ADGRL3: variants seen among roughly 807,000 people sequenced by gnomAD.
ADGRL3 encodes the protein calcium-independent alpha-latrotoxin receptor 3.
In ADGRL3, 62 loss-of-function variants were observed where a neutral mutation model predicts 153.5. The observed-to-expected ratio is 0.40, with a 90% confidence interval of 0.33 to 0.50. The LOEUF (loss-of-function observed/expected upper bound fraction) is 0.50, where lower values mean the gene tolerates loss of function less well. ADGRL3 is among the 20% of genes least tolerant of loss of function. The probability of loss-of-function intolerance (pLI) is 0.47; values close to 1 mark genes in which losing one functional copy is unlikely to be tolerated. For synonymous variants in ADGRL3, 710 were observed against 672.5 expected, an observed-to-expected ratio of 1.06 and a Z score of -0.86; for missense variants, 1,641 against 1,859.4, an observed-to-expected ratio of 0.88 and a Z score of 2.16.
At position 61,570,187 on chromosome 4, in the gene ADGRL3, T is replaced by TA. The variant is rs541525042; in HGVS notation, c.260-17034dup. Among the ~76,000 whole-genome samples, 54 of 152,230 alleles carry TA rather than the reference T, an allele frequency of 3.5e-4. 1 individual carries two copies. In the East Asian group the frequency reaches 9.3e-3, roughly 26 times the overall value. On this transcript the variant is annotated intron_variant, in intron 4 of 26. Coordinates refer to ENST00000683033, the MANE Select transcript of ADGRL3 (RefSeq NM_001387552.1). ...AGTTAGTAAGCTTTTTGTATTGCCTTAAAAAATAAGTGAACTTATCTTTGC... is the reference window on the plus strand; with the variant it reads ...AGTTAGTAAGCTTTTTGTATTGCCTTAAAAAAATAAGTGAACTTATCTTTGC...
At chr4:61,711,128 C>T (rs1025419186) in intron 6 of ADGRL3, among the ~76,000 whole-genome samples, 1 of 152,044 alleles carries the variant, frequency 6.6e-6, no homozygotes, top group African/African-American at 2.4e-5. Context: ...CCCAAGATAT[C>T]AAGATCTAAT....
chr4:61,665,732 C>T (rs1204110606), intron 5 of ADGRL3, among the ~76,000 whole-genome samples: 1 of 152,128 alleles, frequency 6.6e-6, no homozygotes, highest in African/African-American at 2.4e-5. Flanking sequence ...GAAATGCCAT[C>T]ACATTTCTAT....
Position 62,060,305 on chromosome 4 carries a change from C to T in ADGRL3, c.3815-7861C>T, listed in dbSNP as rs1258550011. ...AGGAAGAAGAGTGGCGTGCAATCTC[C>T]TTACCTTATTATTTGTTTTCCAATT... is the stretch of plus-strand genomic sequence containing the variant. On this transcript the variant is annotated intron_variant, in intron 25 of 26. Transcript: ENST00000683033. Among the ~76,000 whole-genome samples, 3 of 151,876 alleles carry T rather than the reference C, an allele frequency of 2.0e-5. No individual in the cohort carries two copies. In the East Asian group the frequency reaches 5.8e-4, roughly 29 times the overall value.
At chr4:62,062,663 C>A (rs935940445) in intron 25 of ADGRL3, among the ~76,000 whole-genome samples, 1 of 151,974 alleles carries the variant, frequency 6.6e-6, no homozygotes, top group Non-Finnish European at 1.5e-5. Context: ...GCAACTCATG[C>A]TGATGGTGTT....
chr4:61,736,346 A>G (rs2096512534), intron 8 of ADGRL3, among the ~76,000 whole-genome samples: 1 of 152,250 alleles, frequency 6.6e-6, no homozygotes, highest in South Asian at 2.1e-4. Context: ...ACTAGTGCCG[A>G]TATTTGTTAA....
rs1415401690 is a variant in ADGRL3 at position 62,073,012 on chromosome 4, A to G, written c.*2104A>G. 1.3e-5 allele frequency: 2 copies of G among 152,180 alleles called. No homozygotes were observed. The highest frequency in any genetic ancestry group is 2.9e-5 in the Non-Finnish European group (2 of 68,004). The allele number at this position is 152,180 out of a possible 1,614,324, so 9.4% of individuals were successfully genotyped here. ...AACTTTCTAGATCTCTCATTACTGC[A>G]GATCCTTTATAGCAGTGTCCAAGTA... On this transcript the variant is annotated 3_prime_UTR_variant, in exon 27 of 27. Transcript: ENST00000683033.
At chr4:61,872,715 A>G (rs1039330338) in intron 9 of ADGRL3, among the ~76,000 whole-genome samples, 5 of 152,014 alleles carry the variant, frequency 3.3e-5, no homozygotes, top group African/African-American at 1.2e-4. Flanking sequence ...ATCCAGAAAA[A>G]AATATATATG....
intron 1 of ADGRL3, among the ~76,000 whole-genome samples, chr4:61,302,325 G>A (rs932098671): frequency 1.3e-5 from 2 of 152,108 alleles, no homozygotes; most frequent in Non-Finnish European, 2.9e-5. Flanking sequence ...TGGAGAGTGA[G>A]AATTCACAGA....
intron 8 of ADGRL3, among the ~76,000 whole-genome samples, chr4:61,748,528 C>T (rs1168450754): frequency 6.6e-6 from 1 of 152,056 alleles, no homozygotes; most frequent in African/African-American, 2.4e-5. Context: ...ATCAATGGAA[C>T]AGATCAGAGC....
intron 8 of ADGRL3, among the ~76,000 whole-genome samples, chr4:61,802,251 A>G (rs1356488527): frequency 6.6e-6 from 1 of 152,132 alleles, no homozygotes; most frequent in Non-Finnish European, 1.5e-5. Context: ...CACACACAAT[A>G]TCAGTGAAGT....
intron 1 of ADGRL3, among the ~76,000 whole-genome samples, chr4:61,204,102 A>T (rs184354298): frequency 2.6e-5 from 4 of 152,312 alleles, no homozygotes; most frequent in Admixed American, 2.0e-4. Context: ...ATTTTGTTTT[A>T]AAAAGTATAG....
rs150411081 is a variant in ADGRL3 at position 61,232,034 on chromosome 4, C to T, written c.-240+30269C>T. Among the ~76,000 whole-genome samples, 11 of 151,962 alleles carry T rather than the reference C, an allele frequency of 7.2e-5. 1 individual carries two copies. Among genetic ancestry groups the T allele is most frequent in the African/African-American group, 2.7e-4 (11 of 41,454 alleles). On this transcript the variant is annotated intron_variant, in intron 1 of 26. Coordinates refer to ENST00000683033, the MANE Select transcript of ADGRL3 (RefSeq NM_001387552.1). ...AAACAGGTTTGACCTTGTGCAAGTA[C>T]TTAACCTCCTCAAGCCCCAGTCTCC...
intron 1 of ADGRL3, among the ~76,000 whole-genome samples, chr4:61,361,926 C>T (rs2096287868): frequency 6.7e-6 from 1 of 148,548 alleles, no homozygotes; most frequent in African/African-American, 2.5e-5. Flanking sequence ...AAATTATGAA[C>T]TGTAGTATAA....
intron 3 of ADGRL3, among the ~76,000 whole-genome samples, chr4:61,516,845 A>G (rs1030440982): frequency 2.0e-5 from 3 of 152,104 alleles, no homozygotes; most frequent in African/African-American, 7.2e-5. Context: ...CAAACAAAAG[A>G]CACCTTTCTG....
At chr4:61,254,197 G>A (rs2091744320) in intron 1 of ADGRL3, among the ~76,000 whole-genome samples, 1 of 152,128 alleles carries the variant, frequency 6.6e-6, no homozygotes. Flanking sequence ...AGGTGAAAAA[G>A]CATTCACCGT....
rs1340841813 is a variant in ADGRL3, at chr4:61,461,565, A to AT, written c.-173-35556_-173-35555insT. Among the ~76,000 whole-genome samples the AT allele has an allele frequency of 2.6e-5, 4 of 152,198 alleles. No homozygotes were observed. In the East Asian group the frequency reaches 5.8e-4, roughly 22 times the overall value. On this transcript the variant is annotated intron_variant, in intron 2 of 26. Coordinates refer to ENST00000683033, the MANE Select transcript of ADGRL3 (RefSeq NM_001387552.1). Reference sequence around the variant, plus strand: ...TAAACAAATATTCTTATACGCCAAAAATATATCTTAAAGAAAAATGGTTAT... The same window carrying AT: ...TAAACAAATATTCTTATACGCCAAAATATATATCTTAAAGAAAAATGGTTAT...
chr4:62,053,748 A>G (rs982230533), intron 25 of ADGRL3, among the ~76,000 whole-genome samples: 3 of 151,532 alleles, frequency 2.0e-5, no homozygotes, highest in South Asian at 2.1e-4. Flanking sequence ...ATTCATGTCT[A>G]TTTTGTTCAG....
At chr4:61,609,587 T>A (rs966373344) in intron 5 of ADGRL3, among the ~76,000 whole-genome samples, 6 of 152,080 alleles carry the variant, frequency 3.9e-5, no homozygotes, top group Non-Finnish European at 7.4e-5. Flanking sequence ...TAATATTGAG[T>A]TCAGTTTGTC....
At chr4:61,637,763 C>G (rs533428009) in intron 5 of ADGRL3, among the ~76,000 whole-genome samples, 2 of 151,914 alleles carry the variant, frequency 1.3e-5, no homozygotes, top group African/African-American at 4.8e-5. Context: ...TCTGTTCCCC[C>G]ACCCCCCAAA....
Sources: allele counts gnomAD v4.1 joint callset (sites outside exome capture counted in the v4.1 genomes callset), GRCh38; gene constraint gnomAD v4.1.1; transcripts MANE v1.5; gene names NCBI Gene and HGNC (gene_info 2026-07-23, HGNC 2026-07-21).